Variants in DLG2 observed in about 807,000 individuals in gnomAD.
The protein encoded by DLG2 is disks large homolog 2.
In DLG2, 45 loss-of-function variants were observed where a neutral mutation model predicts 132.5. The observed-to-expected ratio is 0.34, with a 90% CI of 0.27 to 0.44. DLG2 has a LOEUF of 0.44. DLG2 is among the 20% of genes least tolerant of loss of function. The pLI, the probability that DLG2 is intolerant of heterozygous loss-of-function variation, is 1.00. For synonymous variants in DLG2, 424 were observed against 419.6 expected, an observed-to-expected ratio of 1.01 and a Z score of -0.13; for missense variants, 1,045 against 1,196.9, an observed-to-expected ratio of 0.87 and a Z score of 1.87.
At chr11:84,005,153 C>G (rs1442596898) in intron 11 of DLG2, among the ~76,000 whole-genome samples, 4 of 151,884 alleles carry the variant, frequency 2.6e-5, no homozygotes, top group African/African-American at 7.2e-5. Flanking sequence ...AAAATAGACA[C>G]TTAGACCAAT....
intron 4 of DLG2, among the ~76,000 whole-genome samples, chr11:85,251,297 C>T (rs763446188): frequency 2.6e-5 from 4 of 152,174 alleles, no homozygotes; most frequent in Non-Finnish European, 5.9e-5. Flanking sequence ...TTTTCATTAA[C>T]ATCTAGTCAA....
At chr11:83,694,213 T>C (rs2081477715) in intron 18 of DLG2, among the ~76,000 whole-genome samples, 1 of 152,144 alleles carries the variant, frequency 6.6e-6, no homozygotes. Flanking sequence ...TTCAAACAAA[T>C]GAAAAGCATT....
intron 8 of DLG2, chr11:84,167,126 A>G: frequency 2.4e-6 from 1 of 424,544 alleles, no homozygotes. Context: ...CAAATAGATT[A>G]AACTTTTCAG....
chr11:84,481,268 C>T (rs956749209), intron 7 of DLG2, among the ~76,000 whole-genome samples: 5 of 152,052 alleles, frequency 3.3e-5, no homozygotes, highest in South Asian at 2.1e-4. Flanking sequence ...TATTTTCAAA[C>T]ACCATATCAT....
intron 6 of DLG2, among the ~76,000 whole-genome samples, chr11:84,855,888 G>T (rs891658550): frequency 6.6e-6 from 1 of 151,980 alleles, no homozygotes; most frequent in African/African-American, 2.4e-5. Context: ...GGGAAGAAAA[G>T]AAACGTGGAA....
intron 18 of DLG2, among the ~76,000 whole-genome samples, chr11:83,681,512 C>T (rs1374736122): frequency 6.6e-6 from 1 of 152,152 alleles, no homozygotes; most frequent in African/African-American, 2.4e-5. Flanking sequence ...CAGCTCTTTC[C>T]ATAACGATCT....
intron 9 of DLG2, among the ~76,000 whole-genome samples, chr11:84,154,082 C>A (rs2095369312): frequency 1.3e-5 from 2 of 152,194 alleles, no homozygotes. Context: ...ACTGCAGCCT[C>A]TGCCTCCTGG....
At chr11:85,434,406 T>A (rs7480798) in intron 3 of DLG2, among the ~76,000 whole-genome samples, 124,039 of 149,758 alleles carry the variant, frequency 0.83, 51,807 homozygotes, top group Middle Eastern at 0.89. Flanking sequence ...GAAAAAATTT[T>A]AAAAAAAAAA....
chr11:84,651,965 G>T (rs945540155), intron 6 of DLG2, among the ~76,000 whole-genome samples: 2 of 152,132 alleles, frequency 1.3e-5, no homozygotes, highest in African/African-American at 2.4e-5. Flanking sequence ...TACATTGGGA[G>T]ATGAAGAATA....
chr11:84,827,636 T>C (rs2078489160), intron 6 of DLG2, among the ~76,000 whole-genome samples: 1 of 106,908 alleles, frequency 9.4e-6, no homozygotes, highest in Admixed American at 1.3e-4. Context: ...ATGGAAGCAC[T>C]GGGAACATGA....
At chr11:83,797,508 T>TG (rs2043128310) in intron 17 of DLG2, among the ~76,000 whole-genome samples, 1 of 152,048 alleles carries the variant, frequency 6.6e-6, no homozygotes, top group South Asian at 2.1e-4. Context: ...ATTCTTTTTT[T>TG]TTTTGTTTTG....
chr11:85,172,419 A>T (rs1414885044), intron 4 of DLG2, among the ~76,000 whole-genome samples: 1 of 152,216 alleles, frequency 6.6e-6, no homozygotes, highest in African/African-American at 2.4e-5. Context: ...AAGCTACAAC[A>T]ACAACATCAA....
intron 3 of DLG2, among the ~76,000 whole-genome samples, chr11:85,368,467 C>T (rs1364592709): frequency 6.6e-6 from 1 of 152,158 alleles, no homozygotes; most frequent in Non-Finnish European, 1.5e-5. Context: ...GACATATATC[C>T]AAAATTCAAT....
chr11:84,518,035 G>T (rs976653841), intron 7 of DLG2, among the ~76,000 whole-genome samples: 1 of 151,668 alleles, frequency 6.6e-6, no homozygotes, highest in Non-Finnish European at 1.5e-5. Flanking sequence ...TGTTGTCAAA[G>T]GATACAAAAT....
At chr11:85,398,819 A>C (rs2087704855) in intron 3 of DLG2, among the ~76,000 whole-genome samples, 1 of 152,150 alleles carries the variant, frequency 6.6e-6, no homozygotes, top group Non-Finnish European at 1.5e-5. Context: ...AGGACAAGAC[A>C]GATTCACAGC....
intron 3 of DLG2, among the ~76,000 whole-genome samples, chr11:85,304,383 C>T (rs2079803244): frequency 1.3e-5 from 2 of 151,940 alleles, no homozygotes; most frequent in South Asian, 2.1e-4. Context: ...CAAAGAAAAG[C>T]GGGGGCAAGA....
chr11:85,611,319 G>T (rs2080984282), intron 2 of DLG2, among the ~76,000 whole-genome samples: 1 of 152,182 alleles, frequency 6.6e-6, no homozygotes, highest in African/African-American at 2.4e-5. Flanking sequence ...GGAAGTTTAT[G>T]GCTATCAGAC....
At chr11:83,820,097 G>C (rs1175194823) in intron 17 of DLG2, among the ~76,000 whole-genome samples, 2 of 152,038 alleles carry the variant, frequency 1.3e-5, no homozygotes, top group East Asian at 3.8e-4. Context: ...TGGGCAAAAG[G>C]CCACATTCCA....
chr11:84,779,082 C>T (rs929620132), intron 6 of DLG2, among the ~76,000 whole-genome samples: 2 of 152,088 alleles, frequency 1.3e-5, no homozygotes, highest in African/African-American at 4.8e-5. Flanking sequence ...GACTGAGCCA[C>T]TACTGGCTTC....
Sources: allele counts gnomAD v4.1 joint callset (sites outside exome capture counted in the v4.1 genomes callset), GRCh38; gene constraint gnomAD v4.1.1; transcripts MANE v1.5; gene names NCBI Gene and HGNC (gene_info 2026-07-23, HGNC 2026-07-21).